ATP8A1: variants seen among roughly 807,000 people sequenced by gnomAD.
ATP8A1 encodes phospholipid-transporting ATPase IA.
A neutral mutation model predicts 177.7 loss-of-function variants in ATP8A1; 90 were observed. The ratio of observed to expected loss-of-function variants is 0.51; its 90% CI spans 0.43 to 0.60. The LOEUF (loss-of-function observed/expected upper bound fraction) is 0.60. ATP8A1 is among the 20% of genes least tolerant of loss of function. The pLI, the probability that ATP8A1 is intolerant of heterozygous loss-of-function variation, is 0.00. For missense variants in ATP8A1, 1,072 were observed against 1,392.8 expected, an observed-to-expected ratio of 0.77 and a Z score of 3.67; for synonymous variants, 493 against 485.9, an observed-to-expected ratio of 1.01 and a Z score of -0.19.
intron 22 of ATP8A1, among the ~76,000 whole-genome samples, chr4:42,518,552 G>A (rs1185154933): frequency 1.3e-5 from 2 of 152,124 alleles, no homozygotes; most frequent in Non-Finnish European, 2.9e-5. Flanking sequence ...AAGCAGTCCT[G>A]CTTTCGTCAA....
At chr4:42,507,762 T>TAAAAAAA (rs1560402485) in intron 22 of ATP8A1, among the ~76,000 whole-genome samples, 1 of 14,876 alleles carries the variant, frequency 6.7e-5, no homozygotes, top group Non-Finnish European at 1.5e-4. Flanking sequence ...AAAAGTCAGT[T>TAAAAAAA]AAAAAGGACA....
intron 27 of ATP8A1, among the ~76,000 whole-genome samples, chr4:42,456,188 T>C (rs527349100): frequency 1.3e-5 from 2 of 152,310 alleles, no homozygotes; most frequent in South Asian, 2.1e-4. Flanking sequence ...TCCTTTAAAA[T>C]GATGTTAATG....
chr4:42,578,259 C>T lies in ATP8A1; in HGVS notation c.1128+1G>A. On this transcript the variant is annotated splice_donor_variant, in intron 12 of 36. Transcript: ENST00000381668. LOFTEE classifies it high-confidence loss of function. ...TGATAACAATCATAATTCATATTTACCCAATTTATGAAGTATGCCTGGGTA... is the reference window on the plus strand; with the variant it reads ...TGATAACAATCATAATTCATATTTATCCAATTTATGAAGTATGCCTGGGTA... 1 of 1,588,292 alleles carries T rather than the reference C, an allele frequency of 6.3e-7. No homozygotes were observed. Among genetic ancestry groups the T allele is most frequent in the Non-Finnish European group, 8.6e-7 (1 of 1,168,630 alleles).
chr4:42,535,142 T>C (rs1336890466), intron 20 of ATP8A1, among the ~76,000 whole-genome samples: 1 of 152,020 alleles, frequency 6.6e-6, no homozygotes, highest in Non-Finnish European at 1.5e-5. Context: ...ATGAATAGAA[T>C]AGAACCTTAC....
intron 7 of ATP8A1, among the ~76,000 whole-genome samples, chr4:42,590,068 T>C (rs941574354): frequency 6.6e-6 from 1 of 152,166 alleles, no homozygotes; most frequent in Non-Finnish European, 1.5e-5. Context: ...TCATGCTAGA[T>C]CATAAATATT....
chr4:42,468,428 T>TACAC (rs1485553902), intron 25 of ATP8A1, among the ~76,000 whole-genome samples: 4 of 64,644 alleles, frequency 6.2e-5, no homozygotes, highest in Non-Finnish European at 1.0e-4. Context: ...TTATATATTT[T>TACAC]ATACACACAC....
intron 27 of ATP8A1, among the ~76,000 whole-genome samples, chr4:42,459,894 C>A (rs1203236181): frequency 6.6e-6 from 1 of 152,078 alleles, no homozygotes; most frequent in African/African-American, 2.4e-5. Flanking sequence ...CGGGTTCACG[C>A]CATTCTCCTG....
At chr4:42,607,177 G>A (rs1416126023) in intron 5 of ATP8A1, among the ~76,000 whole-genome samples, 9 of 152,108 alleles carry the variant, frequency 5.9e-5, no homozygotes, top group African/African-American at 1.9e-4. Flanking sequence ...AAATGAGGAC[G>A]TACTTCTACC....
intron 24 of ATP8A1, among the ~76,000 whole-genome samples, chr4:42,499,495 T>C (rs1723605252): frequency 6.6e-6 from 1 of 152,140 alleles, no homozygotes; most frequent in Non-Finnish European, 1.5e-5. Context: ...AGACAGTCAA[T>C]TTTGATACCT....
chr4:42,604,258 C>T (rs1273316175), intron 5 of ATP8A1, among the ~76,000 whole-genome samples: 18 of 152,274 alleles, frequency 1.2e-4, no homozygotes, highest in Non-Finnish European at 5.9e-5. Context: ...AAATGAGCTC[C>T]GTGCACTTTT....
intron 19 of ATP8A1, among the ~76,000 whole-genome samples, chr4:42,545,110 A>C (rs1028667849): frequency 6.7e-6 from 1 of 148,204 alleles, no homozygotes; most frequent in African/African-American, 2.5e-5. Context: ...CAGTGAACCG[A>C]GATTGCACCA....
chr4:42,525,408 T>A (rs1726574964), intron 20 of ATP8A1, among the ~76,000 whole-genome samples: 2 of 146,212 alleles, frequency 1.4e-5, no homozygotes, highest in Non-Finnish European at 3.1e-5. Flanking sequence ...AAGAACAAAC[T>A]TTAATACAGG....
At chr4:42,596,523 T>G (rs2096696390) in intron 6 of ATP8A1, among the ~76,000 whole-genome samples, 1 of 151,674 alleles carries the variant, frequency 6.6e-6, no homozygotes, top group Admixed American at 6.6e-5. Context: ...AAAAATTAGC[T>G]GGGCATGGTG....
chr4:42,449,699 G>T (rs759183179), intron 30 of ATP8A1, among the ~76,000 whole-genome samples: 3 of 152,126 alleles, frequency 2.0e-5, no homozygotes, highest in African/African-American at 4.8e-5. Context: ...CTTAAAAAAA[G>T]AAAGCAAATG....
chr4:42,565,379 C>T (rs1731248632), intron 15 of ATP8A1, among the ~76,000 whole-genome samples: 1 of 152,142 alleles, frequency 6.6e-6, no homozygotes, highest in Admixed American at 6.5e-5. Context: ...TTTTAGTGAG[C>T]CTAGCTTTTG....
chr4:42,456,432 T>G (rs1718494434), intron 27 of ATP8A1, among the ~76,000 whole-genome samples: 2 of 152,134 alleles, frequency 1.3e-5, no homozygotes, highest in Non-Finnish European at 2.9e-5. Flanking sequence ...AACTTAAATT[T>G]TATTCATTGA....
At chr4:42,637,996 G>A (rs1739562712) in intron 1 of ATP8A1, among the ~76,000 whole-genome samples, 1 of 152,188 alleles carries the variant, frequency 6.6e-6, no homozygotes, top group Admixed American at 6.5e-5. Context: ...TATGTACAGA[G>A]GATGGGACAG....
chr4:42,435,619 C>G (rs937531292), intron 33 of ATP8A1, among the ~76,000 whole-genome samples: 3 of 152,180 alleles, frequency 2.0e-5, no homozygotes, highest in African/African-American at 4.8e-5. Context: ...AGTCCGCCCT[C>G]TGCCCACCTC....
At chr4:42,650,825 T>C (rs1267696395) in intron 1 of ATP8A1, among the ~76,000 whole-genome samples, 1 of 152,196 alleles carries the variant, frequency 6.6e-6, no homozygotes, top group Non-Finnish European at 1.5e-5. Flanking sequence ...ATGTAAAGTA[T>C]GAGCTCCAGA....
Sources: allele counts gnomAD v4.1 joint callset (sites outside exome capture counted in the v4.1 genomes callset), GRCh38; gene constraint gnomAD v4.1.1; transcripts MANE v1.5; gene names NCBI Gene and HGNC (gene_info 2026-07-23, HGNC 2026-07-21).